MASP1: variants seen among roughly 807,000 people sequenced by gnomAD.
The protein encoded by MASP1 is MBL associated serine protease 1.
In MASP1, 59 loss-of-function variants were observed where a neutral mutation model predicts 77.1. The ratio of observed to expected loss-of-function variants is 0.77; its 90% CI spans 0.62 to 0.95. The LOEUF is 0.95. MASP1 is among the 40% of genes least tolerant of loss of function. The pLI is 0.00. For missense variants in MASP1, 885 were observed against 912.9 expected (o/e 0.97, Z 0.39); for synonymous variants, 362 against 354.5 (o/e 1.02, Z -0.24).
chr3:187,243,598 C>G lies in MASP1; in HGVS notation c.1114G>C (p.Glu372Gln), dbSNP rs1238161334. 1 of 1,614,086 alleles carries G rather than the reference C, an allele frequency of 6.2e-7. No homozygotes were observed. The highest frequency in any genetic ancestry group is 1.3e-5 in the African/African-American group (1 of 74,930). The change falls in exon 9 of 11, where the codon GAG becomes CAG. Residue 372 changes from glutamate to glutamine, a missense_variant. By Grantham distance (29) the Glu-to-Gln change is conservative (BLOSUM62 2). Coordinates refer to ENST00000296280, the MANE Select transcript of MASP1 (RefSeq NM_139125.4). ...AAGGTGATCAGCCCGTGTTCCAGCT[C>G]TCCTGGGGCTCTACAGTCTACAACT... is the stretch of plus-strand genomic sequence containing the variant. ...CKIVDCRAPG[E>Q]LEHGLITFST... is the part of the protein sequence containing the mutation.
chr3:187,253,943 A>T (rs1274276814), intron 5 of MASP1, among the ~76,000 whole-genome samples: 1 of 152,086 alleles, frequency 6.6e-6, no homozygotes, highest in East Asian at 1.9e-4. Context: ...CCACCGTGGC[A>T]CATGTATACC....
In MASP1 at chr3:187,225,466, G is replaced by A. The variant is rs1474876035; in HGVS notation, c.1599C>T (p.Leu533=). The A allele has an allele frequency of 1.5e-5, 25 of 1,614,056 alleles. No individual in the cohort carries two copies. The highest frequency in any genetic ancestry group is 4.5e-5 in the East Asian group (2 of 44,900). ...GGTGGAGAGTGGTGTGTTTGACGCCGAGATGCTGTTCATTTTCATCTGACC... is the reference window on the plus strand; with the variant it reads ...GGTGGAGAGTGGTGTGTTTGACGCCAAGATGCTGTTCATTTTCATCTGACC... Residue 533 remains leucine (L), a synonymous_variant, in exon 13 of 16, where the codon CTC becomes CTT. Coordinates refer to the MASP1 transcript ENST00000337774.
chr3:187,247,058 C>A, intron 8 of MASP1: 1 of 1,349,112 alleles, frequency 7.4e-7, no homozygotes, highest in Non-Finnish European at 9.5e-7. Context: ...GAGAAAAGTA[C>A]AGTCCACTCA....
In MASP1 at chr3:187,234,699, G is replaced by A; in HGVS notation, c.*985C>T. 2.6e-5 allele frequency: 34 copies of A among 1,287,138 alleles called. No individual in the cohort carries two copies. Among genetic ancestry groups the A allele is most frequent in the Non-Finnish European group, 3.1e-5 (31 of 988,682 alleles). The allele number at this position is 1,287,138 out of a possible 1,614,324, so 79.7% of individuals were successfully genotyped here. ...TGGCAGGATTTGGGTGACTTCTAAT[G>A]TGCCCACCCCACTCTTTCTTCCATT... On this transcript the variant is annotated 3_prime_UTR_variant, in exon 11 of 11. Transcript: ENST00000296280.
chr3:187,236,188 C>T lies in MASP1; in HGVS notation c.1683G>A (p.Glu561=). 1 of 1,614,144 alleles carries T rather than the reference C, an allele frequency of 6.2e-7. No individual in the cohort carries two copies. The change falls in exon 11 of 11, where the codon GAG becomes GAA. Residue 561 remains glutamate, a synonymous_variant. Transcript: ENST00000296280. ...TAACGTGGGGTCCCAGGGGCACAGGCTCCTGCAGCTGCACCAGAGCTATAT... is the reference window on the plus strand; with the variant it reads ...TAACGTGGGGTCCCAGGGGCACAGGTTCCTGCAGCTGCACCAGAGCTATAT... The part of the protein sequence containing the change: ...NHDIALVQLQ[E]PVPLGPHVMP...
intron 2 of MASP1, among the ~76,000 whole-genome samples, chr3:187,279,667 T>G (rs1717254259): frequency 1.3e-5 from 2 of 152,338 alleles, no homozygotes; most frequent in South Asian, 4.1e-4. Context: ...CTGATTATTC[T>G]CAGTTTTGCA....
At chr3:187,228,772 T>A (rs1391837666) in intron 11 of MASP1, among the ~76,000 whole-genome samples, 1 of 152,152 alleles carries the variant, frequency 6.6e-6, no homozygotes, top group Non-Finnish European at 1.5e-5. Flanking sequence ...TCTTTACCTC[T>A]CTGGGGGACT....
At chr3:187,277,465 G>A (rs550050343) in intron 2 of MASP1, among the ~76,000 whole-genome samples, 76 of 152,222 alleles carry the variant, frequency 5.0e-4, no homozygotes, top group South Asian at 1.0e-3. Context: ...AAAAGAGAAC[G>A]TTATTTAAAA....
At chr3:187,257,885 GT>G (rs1715227271) in intron 4 of MASP1, among the ~76,000 whole-genome samples, 1 of 152,194 alleles carries the variant, frequency 6.6e-6, no homozygotes, top group Admixed American at 6.5e-5. Flanking sequence ...CCATGATGGA[GT>G]GGTAGGTTAG....
At chr3:187,255,645 T>C (rs1715007916) in intron 5 of MASP1, among the ~76,000 whole-genome samples, 1 of 152,246 alleles carries the variant, frequency 6.6e-6, no homozygotes, top group Non-Finnish European at 1.5e-5. Flanking sequence ...TCTTAGCCTC[T>C]GTACACAAGT....
intron 2 of MASP1, among the ~76,000 whole-genome samples, chr3:187,285,323 C>A (rs1335423781): frequency 6.6e-6 from 1 of 152,112 alleles, no homozygotes; most frequent in East Asian, 1.9e-4. Context: ...ACATTCAAGG[C>A]CCTTAAGAAT....
intron 1 of MASP1, 120 bp from the exon 2 acceptor site, chr3:187,286,176 G>C (rs543957592): frequency 3.7e-6 from 3 of 802,430 alleles, no homozygotes; most frequent in Admixed American, 2.0e-5. Flanking sequence ...GCCGTAATTA[G>C]CTTTCCCCTT....
Position 187,253,188 on chromosome 3 carries a change from C to T in MASP1, c.872G>A (p.Arg291Lys), listed in dbSNP as rs1714767231. ...GTTACCTGCAGCCCTGTATGAGAGC[C>T]TCCAGCCCCGGTTCTCTCCCGAGTT... is the stretch of plus-strand genomic sequence containing the variant. ...SDNSGENRGW[R>K]LSYRAAGNEC... The change falls in exon 6 of 11, where the codon AGG (arginine) becomes AAG (lysine). Residue 291 changes from arginine to lysine, a missense_variant. By Grantham distance (26) the Arg-to-Lys change is conservative. Coordinates refer to ENST00000296280, the MANE Select transcript of MASP1 (RefSeq NM_139125.4). 1.9e-6 allele frequency: 3 copies of T among 1,614,102 alleles called. No individual in the cohort carries two copies. The highest frequency in any genetic ancestry group is 2.5e-6 in the Non-Finnish European group (3 of 1,180,016).
rs776465830 is a variant in MASP1, at chr3:187,235,555, C to T, written c.*129G>A. 1.0e-4 allele frequency: 159 copies of T among 1,549,248 alleles called. No individual in the cohort carries two copies. Among genetic ancestry groups the T allele is most frequent in the South Asian group, 2.6e-4 (22 of 84,710 alleles). ...CCTCTCAGGGTCCTGGGGGCTGTCT[C>T]GGTAGGAGAAGCCACCGCTAGGTCA... On this transcript the variant is annotated 3_prime_UTR_variant, in exon 11 of 11. Coordinates refer to ENST00000296280, the MANE Select transcript of MASP1 (RefSeq NM_139125.4).
exon 12 of MASP1, chr3:187,226,435 G>A (rs1394144569): frequency 3.1e-6 from 5 of 1,611,894 alleles, no homozygotes; most frequent in Non-Finnish European, 4.2e-6. Flanking sequence ...CAGAAGGGCT[G>A]AGCAAGTCTG....
chr3:187,279,634 C>T (rs1348288645), intron 2 of MASP1, among the ~76,000 whole-genome samples: 2 of 152,180 alleles, frequency 1.3e-5, no homozygotes, highest in African/African-American at 4.8e-5. Context: ...CTGGGCTTTA[C>T]GTCTCCCCAA....
At chr3:187,220,681 A>G (rs1579453303) in intron 15 of MASP1, among the ~76,000 whole-genome samples, 1 of 151,562 alleles carries the variant, frequency 6.6e-6, no homozygotes, top group East Asian at 1.9e-4. Context: ...TATTTTTAGT[A>G]AAGATGGGAT....
chr3:187,260,962 A>G, intron 3 of MASP1, 90 bp from the exon 4 acceptor site: 2 of 1,428,048 alleles, frequency 1.4e-6, no homozygotes, highest in Non-Finnish European at 2.0e-6. Flanking sequence ...TGGGCCACTC[A>G]CTATGTTAGG....
chr3:187,226,134 A>G (rs1216489970), intron 12 of MASP1: 5 of 475,178 alleles, frequency 1.1e-5, no homozygotes, highest in Non-Finnish European at 1.9e-5. Context: ...CCACAGGTTC[A>G]TGGAAATCTA....
Sources: allele counts gnomAD v4.1 joint callset (sites outside exome capture counted in the v4.1 genomes callset), GRCh38; gene constraint gnomAD v4.1.1; transcripts MANE v1.5; gene names NCBI Gene and HGNC (gene_info 2026-07-23, HGNC 2026-07-21).